The following HPSE2 variants were observed in gnomAD, a reference collection of about 807,000 sequenced individuals.
HPSE2 encodes heparanase 2 (inactive), also known as inactive heparanase-2.
HPSE2 carries 38 observed loss-of-function variants against 60.5 expected under a neutral mutation model. The ratio of observed to expected loss-of-function variants is 0.63; its 90% CI spans 0.48 to 0.82. The LOEUF (loss-of-function observed/expected upper bound fraction) is 0.82, where lower values mean the gene tolerates loss of function less well. HPSE2 is among the 40% of genes least tolerant of loss of function. HPSE2 has a pLI of 0.00. For missense variants in HPSE2, 713 were observed against 740.4 expected, an observed-to-expected ratio of 0.96 and a Z score of 0.43; for synonymous variants, 295 against 293.2, an observed-to-expected ratio of 1.01 and a Z score of -0.06.
At chr10:99,278,383 A>G in the HPSE2 span, among the ~76,000 whole-genome samples, 2 of 152,104 alleles carry the variant, frequency 1.3e-5, no homozygotes, top group Non-Finnish European at 2.9e-5. Context: ...TCAAATTCCT[A>G]TTTTTACACT....
At chr10:99,038,970 T>C (rs777532213) in intron 3 of HPSE2, among the ~76,000 whole-genome samples, 1 of 152,132 alleles carries the variant, frequency 6.6e-6, no homozygotes, top group African/African-American at 2.4e-5. Context: ...CAGAAGCCCA[T>C]AGGCTGGATC....
chr10:99,198,465 A>C (rs1415905328), intron 2 of HPSE2, among the ~76,000 whole-genome samples: 3 of 152,184 alleles, frequency 2.0e-5, no homozygotes, highest in Non-Finnish European at 4.4e-5. Context: ...TTATTGCACA[A>C]GGTATGGGAG....
intron 6 of HPSE2, among the ~76,000 whole-genome samples, chr10:98,668,705 T>G (rs1187102349): frequency 5.3e-5 from 8 of 152,156 alleles, no homozygotes; most frequent in Non-Finnish European, 8.8e-5. Flanking sequence ...GCTAACCATA[T>G]GCAAAATAAT....
At chr10:98,931,234 C>T (rs1225382866) in intron 3 of HPSE2, among the ~76,000 whole-genome samples, 8 of 143,828 alleles carry the variant, frequency 5.6e-5, no homozygotes, top group Non-Finnish European at 8.9e-5. Flanking sequence ...GCATCTTTTC[C>T]CCATTGCATG....
At chr10:98,538,275 C>T (rs1943351442) in intron 9 of HPSE2, among the ~76,000 whole-genome samples, 1 of 152,176 alleles carries the variant, frequency 6.6e-6, no homozygotes, top group Admixed American at 6.5e-5. Flanking sequence ...ATGGGGAGAA[C>T]ACCCGCTAAG....
chr10:98,732,298 G>A (rs1262389955), intron 4 of HPSE2, among the ~76,000 whole-genome samples: 1 of 152,064 alleles, frequency 6.6e-6, no homozygotes, highest in Non-Finnish European at 1.5e-5. Context: ...ATTTTACATG[G>A]AAATTCAAAC....
rs779939665 is a variant in HPSE2 at position 98,620,697 on chromosome 10, T to C, written c.1110A>G (p.Thr370=). 6.2e-7 allele frequency: 1 copy of C among 1,612,610 alleles called. No homozygotes were observed. The highest frequency in any genetic ancestry group is 1.1e-5 in the South Asian group (1 of 90,980). Reference sequence around the variant, plus strand: ...GCCAAATCTTCTTTCCTGGAGTGTATGTATTAACCACCTGTTTACACAACA... The same window carrying C: ...GCCAAATCTTCTTTCCTGGAGTGTACGTATTAACCACCTGTTTACACAACA... The part of the protein sequence containing the change: ...QIRKIQKVVN[T]YTPGKKIWLE... Residue 370 remains threonine, a synonymous_variant, in exon 8 of 12, where the codon ACA becomes ACG. Coordinates refer to ENST00000370552, the MANE Select transcript of HPSE2 (RefSeq NM_021828.5).
intron 3 of HPSE2, among the ~76,000 whole-genome samples, chr10:98,811,263 A>C (rs1365105320): frequency 4.6e-5 from 7 of 152,072 alleles, no homozygotes; most frequent in Non-Finnish European, 8.8e-5. Context: ...GATATTCCCT[A>C]CTTCCTCAAA....
chr10:98,484,493 T>A (rs1446584807), intron 10 of HPSE2, among the ~76,000 whole-genome samples: 1 of 152,236 alleles, frequency 6.6e-6, no homozygotes, highest in Non-Finnish European at 1.5e-5. Context: ...CGCCTTGGCC[T>A]CCCAAAGGGC....
intron 1 of HPSE2, among the ~76,000 whole-genome samples, chr10:99,233,561 A>G (rs1404223643): frequency 6.6e-6 from 1 of 152,208 alleles, no homozygotes; most frequent in African/African-American, 2.4e-5. Context: ...TCAGCTGTTG[A>G]GTTCCGGGTC....
chr10:98,991,696 A>G (rs1956528422), intron 3 of HPSE2, among the ~76,000 whole-genome samples: 1 of 152,168 alleles, frequency 6.6e-6, no homozygotes, highest in African/African-American at 2.4e-5. Flanking sequence ...AAGGAGGGAA[A>G]TTAAGTGCTG....
At chr10:99,170,304 G>A (rs1194462351) in intron 2 of HPSE2, among the ~76,000 whole-genome samples, 2 of 152,280 alleles carry the variant, frequency 1.3e-5, no homozygotes, top group East Asian at 1.9e-4. Context: ...ACTTCTAAAT[G>A]TATGCAAATA....
At chr10:99,310,659 C>T in the HPSE2 span, among the ~76,000 whole-genome samples, 1 of 152,176 alleles carries the variant, frequency 6.6e-6, no homozygotes, top group African/African-American at 2.4e-5. Flanking sequence ...CAGGGTCCCG[C>T]TCTGTCGCTC....
At position 98,509,082 on chromosome 10, in the gene HPSE2, G is replaced by A. The variant is rs180725134; in HGVS notation, c.1321-18886C>T. On this transcript the variant is annotated intron_variant, in intron 9 of 11. Coordinates refer to ENST00000370552, the MANE Select transcript of HPSE2 (RefSeq NM_021828.5). ...TGTAATCCCAGCACATTGGGAGGCC[G>A]AGGCGGGTGCATCAAAAGGTCAAGA... 5.6e-3 allele frequency among the ~76,000 whole-genome samples: 849 copies of A among 152,264 alleles called. 8 individuals carry two copies. The highest frequency in any genetic ancestry group is 0.02 in the African/African-American group (816 of 41,544).
chr10:99,094,038 A>G (rs1022365771), intron 3 of HPSE2, among the ~76,000 whole-genome samples: 1 of 152,078 alleles, frequency 6.6e-6, no homozygotes, highest in Admixed American at 6.5e-5. Flanking sequence ...TGTGACTCCA[A>G]ATTTTCCTAG....
chr10:99,023,737 C>T (rs188603467), intron 3 of HPSE2, among the ~76,000 whole-genome samples: 4 of 152,170 alleles, frequency 2.6e-5, no homozygotes, highest in African/African-American at 9.7e-5. Context: ...AGTCTAAGAC[C>T]ATGAAGGCAG....
At chr10:99,086,561 C>G (rs1843328767) in intron 3 of HPSE2, among the ~76,000 whole-genome samples, 1 of 151,246 alleles carries the variant, frequency 6.6e-6, no homozygotes, top group African/African-American at 2.4e-5. Flanking sequence ...ACCGTTTTAG[C>G]TGGGATGGTC....
chr10:98,619,855 T>A (rs1017010609), intron 8 of HPSE2, among the ~76,000 whole-genome samples: 1 of 152,172 alleles, frequency 6.6e-6, no homozygotes, highest in Non-Finnish European at 1.5e-5. Context: ...ATGTCTGTCA[T>A]TTTTCTTTTG....
chr10:98,982,439 C>T (rs1013008238), intron 3 of HPSE2, among the ~76,000 whole-genome samples: 8 of 152,104 alleles, frequency 5.3e-5, no homozygotes, highest in East Asian at 1.9e-4. Context: ...AGGTTCTCAT[C>T]GATTCAAATT....
Sources: allele counts gnomAD v4.1 joint callset (sites outside exome capture counted in the v4.1 genomes callset), GRCh38; gene constraint gnomAD v4.1.1; transcripts MANE v1.5; gene names NCBI Gene and HGNC (gene_info 2026-07-23, HGNC 2026-07-21).